Variants in HECTD2 observed in about 807,000 individuals in gnomAD.
HECTD2 encodes HECT domain E3 ubiquitin protein ligase 2.
HECTD2 carries 35 observed loss-of-function variants against 103.2 expected under a neutral mutation model. The observed-to-expected ratio is 0.34, with a 90% CI of 0.26 to 0.45. The LOEUF is 0.45. Ranked by LOEUF, HECTD2 falls within the 20% of genes least tolerant of loss-of-function variation. The pLI, the probability that HECTD2 is intolerant of heterozygous loss-of-function variation, is 1.00. For missense variants in HECTD2, 596 were observed against 937.4 expected (o/e 0.64, Z 4.76); for synonymous variants, 281 against 329.9 (o/e 0.85, Z 1.61).
At chr10:91,415,146 A>T (rs1843069533) in intron 1 of HECTD2, among the ~76,000 whole-genome samples, 1 of 151,578 alleles carries the variant, frequency 6.6e-6, no homozygotes, top group African/African-American at 2.4e-5. Context: ...ATAAAGGAAA[A>T]GGACTCAGGT....
intron 14 of HECTD2, 54 bp downstream of exon 14, chr10:91,493,562 A>AT: frequency 1.1e-6 from 1 of 924,040 alleles, no homozygotes. Flanking sequence ...ATTTTTAAAG[A>AT]TTTTATCTGT....
intron 5 of HECTD2, among the ~76,000 whole-genome samples, chr10:91,464,883 A>T (rs897761146): frequency 1.3e-5 from 2 of 152,230 alleles, no homozygotes; most frequent in Non-Finnish European, 2.9e-5. Context: ...TAAAAAATTA[A>T]ATATACAGAT....
Position 91,462,119 on chromosome 10 carries a change from A to G in HECTD2, c.535A>G (p.Thr179Ala). 1 of 1,593,360 alleles carries G rather than the reference A, an allele frequency of 6.3e-7. No homozygotes were observed. The highest frequency in any genetic ancestry group is 8.6e-7 in the Non-Finnish European group (1 of 1,164,044). Residue 179 changes from threonine to alanine, a missense_variant, in exon 5 of 21, where the codon ACC becomes GCC. By Grantham distance (58) the Thr-to-Ala change is moderately conservative (BLOSUM62 0). Around this residue, in one of 4 missense-constraint regions of HECTD2, gnomAD observed 220 missense variants for 233.9 expected, o/e 0.94. Transcript: ENST00000298068. ...FKKDATASFN[T>A]IEDSGINAKF... ...GAAAGATGCCACTGCCTCATTTAAC[A>G]CCATTGAAGACTCTGGGATTAATGC...
chr10:91,497,141 T>TC (rs1846702125), intron 15 of HECTD2, among the ~76,000 whole-genome samples: 1 of 146,282 alleles, frequency 6.8e-6, no homozygotes, highest in Admixed American at 6.8e-5. Flanking sequence ...TTTTTTTTTT[T>TC]TTTTTTTTTT....
intron 2 of HECTD2, among the ~76,000 whole-genome samples, chr10:91,443,828 A>T (rs1476553377): frequency 6.6e-6 from 1 of 152,236 alleles, no homozygotes; most frequent in African/African-American, 2.4e-5. Context: ...AGAGTTTATT[A>T]AATCTACTTC....
intron 1 of HECTD2, among the ~76,000 whole-genome samples, chr10:91,422,919 GT>G (rs1843414472): frequency 6.6e-6 from 1 of 152,158 alleles, no homozygotes; most frequent in Non-Finnish European, 1.5e-5. Context: ...TTAAGAAGAG[GT>G]GAAGGAAGGG....
At chr10:91,410,618 G>A in intron 1 of HECTD2, 42 bp downstream of exon 1, 2 of 1,324,580 alleles carry the variant, frequency 1.5e-6, no homozygotes, top group Non-Finnish European at 1.9e-6. Flanking sequence ...CGGACGGCGG[G>A]AGTTGGGAGG....
chr10:91,414,280 A>G (rs1843035422), intron 1 of HECTD2, among the ~76,000 whole-genome samples: 1 of 152,182 alleles, frequency 6.6e-6, no homozygotes, highest in South Asian at 2.1e-4. Context: ...AAGGGATGTT[A>G]GCCTATAATG....
intron 12 of HECTD2, among the ~76,000 whole-genome samples, chr10:91,491,964 C>G (rs1846497584): frequency 6.6e-6 from 1 of 152,162 alleles, no homozygotes; most frequent in Non-Finnish European, 1.5e-5. Flanking sequence ...CCTACCTCAG[C>G]CTCCCAAATA....
intron 2 of HECTD2, among the ~76,000 whole-genome samples, chr10:91,430,262 G>C (rs1044814141): frequency 2.6e-5 from 4 of 152,052 alleles, no homozygotes; most frequent in Admixed American, 2.6e-4. Flanking sequence ...TATAATTTCT[G>C]TTCTTTTACA....
At chr10:91,441,886 CTTTTTTTT>C (rs765691512) in intron 2 of HECTD2, among the ~76,000 whole-genome samples, 1 of 81,954 alleles carries the variant, frequency 1.2e-5, no homozygotes, top group African/African-American at 5.8e-5. Flanking sequence ...GCAACCCTTG[CTTTTTTTT>C]TTTTTTTTTT....
In HECTD2 at chr10:91,505,374, AC is replaced by A. The variant is rs1284206527; in HGVS notation, c.2210+4043del. ...CCCATCAGTGTGCTGTATTCAGGAAACCCATCTCACATGCAGGGACACACAT... is the reference window on the plus strand; with the variant it reads ...CCCATCAGTGTGCTGTATTCAGGAAACCATCTCACATGCAGGGACACACAT... On this transcript the variant is annotated intron_variant, in intron 20 of 20. Transcript: ENST00000298068. Among the ~76,000 whole-genome samples the A allele has an allele frequency of 4.3e-4, 65 of 152,266 alleles. 2 individuals are homozygous for A. The South Asian group carries it at 1.0e-2, about 23-fold the overall frequency.
At chr10:91,493,882 T>C (rs1846566825) in intron 14 of HECTD2, among the ~76,000 whole-genome samples, 1 of 152,074 alleles carries the variant, frequency 6.6e-6, no homozygotes, top group Non-Finnish European at 1.5e-5. Context: ...GTTTACTGAA[T>C]TGAAATTGGG....
At chr10:91,495,218 A>G (rs1220818201) in intron 14 of HECTD2, among the ~76,000 whole-genome samples, 1 of 152,004 alleles carries the variant, frequency 6.6e-6, no homozygotes, top group African/African-American at 2.4e-5. Context: ...TTGGGAACTG[A>G]AATTTGAGAA....
intron 2 of HECTD2, among the ~76,000 whole-genome samples, chr10:91,434,819 AATTT>A (rs1251355585): frequency 6.6e-6 from 1 of 151,966 alleles, no homozygotes; most frequent in Non-Finnish European, 1.5e-5. Flanking sequence ...AATCCTAGAA[AATTT>A]ATTTAACCTC....
chr10:91,509,734 G>C lies in HECTD2; in HGVS notation c.2211-2530G>C, dbSNP rs531928571. Among the ~76,000 whole-genome samples the C allele has an allele frequency of 8.5e-5, 13 of 152,222 alleles. No homozygotes were observed. In the East Asian group the frequency reaches 2.5e-3, roughly 29 times the overall value. ...AGTGGGAGCTAAATACTGAGTACAT[G>C]TGAACACAAGGAAGGGAATGACAAA... On this transcript the variant is annotated intron_variant, in intron 20 of 20. Coordinates refer to ENST00000298068, the MANE Select transcript of HECTD2 (RefSeq NM_182765.6).
intron 20 of HECTD2, among the ~76,000 whole-genome samples, chr10:91,506,511 C>T (rs868708630): frequency 0.016 from 2,444 of 152,142 alleles, 57 homozygotes; most frequent in African/African-American, 0.056. Context: ...CGCAAATAAA[C>T]TAGAAAATCT....
chr10:91,500,658 G>C (rs750093531), intron 19 of HECTD2, 41 bp downstream of exon 19: 1 of 931,684 alleles, frequency 1.1e-6, no homozygotes, highest in African/African-American at 1.6e-5. Flanking sequence ...ATGTGGAGAG[G>C]GAACAGCAGA....
intron 20 of HECTD2, among the ~76,000 whole-genome samples, chr10:91,509,129 TGGGGGGA>T (rs1208903023): frequency 1.7e-5 from 1 of 58,930 alleles, no homozygotes; most frequent in African/African-American, 7.1e-5. Context: ...TGTTGTGGGG[TGGGGGGA>T]GGGGGGAGGG....
Sources: allele counts gnomAD v4.1 joint callset (sites outside exome capture counted in the v4.1 genomes callset), GRCh38; gene constraint gnomAD v4.1.1; regional missense constraint gnomAD v4.1.1; transcripts MANE v1.5; gene names NCBI Gene and HGNC (gene_info 2026-07-23, HGNC 2026-07-21).